The following RALY variants were observed in gnomAD, a reference collection of about 807,000 sequenced individuals.
RALY encodes RALY heterogeneous nuclear ribonucleoprotein, also known as RNA-binding protein Raly.
A neutral mutation model predicts 30.7 loss-of-function variants in RALY; 15 were observed. The ratio of observed to expected loss-of-function variants is 0.49; its 90% CI spans 0.33 to 0.75. The LOEUF (loss-of-function observed/expected upper bound fraction) is 0.75, where lower values mean the gene tolerates loss of function less well. Ranked by LOEUF, RALY falls within the 30% of genes least tolerant of loss-of-function variation. RALY has a pLI of 0.02. For missense variants in RALY, 339 were observed against 414.3 expected (o/e 0.82, Z 1.58); for synonymous variants, 177 against 170.8 (o/e 1.04, Z -0.28).
At chr20:34,017,069 A>G (rs908823268) in intron 1 of RALY, among the ~76,000 whole-genome samples, 1 of 15,956 alleles carries the variant, frequency 6.3e-5, no homozygotes, top group Non-Finnish European at 1.0e-4. Flanking sequence ...ACCCTGAACA[A>G]ACGGGGAAAT....
intron 2 of RALY, among the ~76,000 whole-genome samples, chr20:34,057,625 C>T (rs1227134805): frequency 1.4e-5 from 2 of 147,960 alleles, no homozygotes; most frequent in African/African-American, 4.9e-5. Flanking sequence ...CGAGATGGCG[C>T]CACTGCACTC....
chr20:34,070,254 G>A (rs1348040025), intron 2 of RALY, among the ~76,000 whole-genome samples: 1 of 152,182 alleles, frequency 6.6e-6, no homozygotes, highest in Non-Finnish European at 1.5e-5. Flanking sequence ...TGAGATAGGA[G>A]GGTTCCAAAA....
intron 2 of RALY, among the ~76,000 whole-genome samples, chr20:34,057,069 A>G (rs2123197994): frequency 6.6e-6 from 1 of 152,362 alleles, no homozygotes; most frequent in Admixed American, 6.5e-5. Flanking sequence ...GAGCTTTTAA[A>G]GCAGTAGTGT....
At chr20:33,995,163 C>A (rs1350103621) in intron 1 of RALY, among the ~76,000 whole-genome samples, 1 of 152,196 alleles carries the variant, frequency 6.6e-6, no homozygotes, top group Non-Finnish European at 1.5e-5. Flanking sequence ...TGGATGAAAT[C>A]CCATTCTGGG....
chr20:34,044,481 C>T (rs559429789), intron 2 of RALY, among the ~76,000 whole-genome samples: 3 of 151,482 alleles, frequency 2.0e-5, no homozygotes, highest in South Asian at 2.1e-4. Flanking sequence ...CCACCACACC[C>T]GGCTAATTTC....
chr20:34,015,586 CTTTTT>C (rs752571889), intron 1 of RALY, among the ~76,000 whole-genome samples: 1 of 145,258 alleles, frequency 6.9e-6, no homozygotes, highest in East Asian at 2.0e-4. Context: ...TTGGCATAGA[CTTTTT>C]TTTTTTTAAC....
At chr20:34,048,157 G>C (rs186265686) in intron 2 of RALY, among the ~76,000 whole-genome samples, 48 of 152,246 alleles carry the variant, frequency 3.2e-4, no homozygotes, top group Admixed American at 1.4e-3. Flanking sequence ...AATTCTAATT[G>C]ACACAGGAAG....
intron 1 of RALY, among the ~76,000 whole-genome samples, chr20:34,017,130 T>TA (rs1199405253): frequency 1.3e-5 from 2 of 152,286 alleles, no homozygotes; most frequent in Non-Finnish European, 2.9e-5. Flanking sequence ...TATAAACTCT[T>TA]ACCTAATGTG....
intron 9 of RALY, 86 bp downstream of exon 9, chr20:34,078,639 T>TCG: frequency 7.6e-7 from 1 of 1,307,466 alleles, no homozygotes; most frequent in Non-Finnish European, 1.0e-6. Context: ...GCAGGAAGTG[T>TCG]CACGAAGCAT....
chr20:34,030,760 T>C (rs762265377), intron 1 of RALY, among the ~76,000 whole-genome samples: 8 of 152,238 alleles, frequency 5.3e-5, no homozygotes, highest in Non-Finnish European at 1.0e-4. Context: ...ATTCTCCTTA[T>C]GACTCCACTC....
At chr20:34,051,020 C>G (rs965379271) in intron 2 of RALY, among the ~76,000 whole-genome samples, 1 of 152,130 alleles carries the variant, frequency 6.6e-6, no homozygotes, top group Non-Finnish European at 1.5e-5. Flanking sequence ...TTAAGGAGCA[C>G]TATTTGGGAA....
At chr20:34,075,850 C>T (rs1487241251) in intron 5 of RALY, 24 bp from the exon 6 acceptor site, 2 of 1,604,990 alleles carry the variant, frequency 1.2e-6, no homozygotes, top group Admixed American at 1.7e-5. Flanking sequence ...CATGCTGCAG[C>T]CTCTGGCCCA....
chr20:34,026,993 C>A (rs1047989309), intron 1 of RALY, among the ~76,000 whole-genome samples: 1 of 152,050 alleles, frequency 6.6e-6, no homozygotes, highest in Non-Finnish European at 1.5e-5. Flanking sequence ...GCAGGTAGTT[C>A]GTAAGACCCT....
At chr20:34,007,358 A>G (rs892935686) in intron 1 of RALY, among the ~76,000 whole-genome samples, 2 of 152,034 alleles carry the variant, frequency 1.3e-5, no homozygotes, top group African/African-American at 2.4e-5. Context: ...CGTCTCTACT[A>G]AAAATACAAA....
chr20:34,022,015 C>T (rs1226842537), intron 1 of RALY, among the ~76,000 whole-genome samples: 1 of 151,498 alleles, frequency 6.6e-6, no homozygotes, highest in Admixed American at 6.6e-5. Flanking sequence ...ACCTTGGCCT[C>T]CCAAAGTGCT....
intron 1 of RALY, among the ~76,000 whole-genome samples, chr20:34,024,167 A>G (rs974678262): frequency 1.3e-5 from 2 of 151,632 alleles, no homozygotes; most frequent in African/African-American, 4.8e-5. Context: ...AGCCCTTCCA[A>G]CTCTGGTCTC....
intron 1 of RALY, among the ~76,000 whole-genome samples, chr20:34,006,724 G>T (rs1005160565): frequency 1.3e-5 from 2 of 152,102 alleles, no homozygotes; most frequent in Middle Eastern, 3.2e-3. Flanking sequence ...GTAACATGCT[G>T]TATAGGTTTG....
At position 34,075,884 on chromosome 20, in the gene RALY, T is replaced by C; in HGVS notation, c.388T>C (p.Tyr130His). ...RDDFYDRLFD[Y>H]RGRLSPVPVP... The stretch of plus-strand genomic sequence containing the variant: ...CATCTGCCCTCACAGGCTCTTCGAC[T>C]ACCGGGGCCGTCTGTCGCCCGTGCC... The change falls in exon 6 of 10, where the codon TAC (tyrosine) becomes CAC (histidine). Residue 130 changes from tyrosine to histidine, a missense_variant. Tyr to His is a moderately conservative substitution (Grantham distance 83). Around this residue, in one of 2 missense-constraint regions of RALY, gnomAD observed 268 missense variants for 280.6 expected, o/e 0.95. Coordinates refer to ENST00000246194, the MANE Select transcript of RALY (RefSeq NM_016732.3). 2 of 1,613,264 alleles carry C rather than the reference T, an allele frequency of 1.2e-6. No homozygotes were observed. The highest frequency in any genetic ancestry group is 1.7e-6 in the Non-Finnish European group (2 of 1,179,442).
intron 1 of RALY, among the ~76,000 whole-genome samples, chr20:34,016,767 A>G (rs2031622412): frequency 6.6e-6 from 1 of 152,232 alleles, no homozygotes; most frequent in African/African-American, 2.4e-5. Flanking sequence ...ATCTTTTTCT[A>G]CCTCATAGTG....
Sources: gnomAD v4.1 joint callset for allele counts (sites outside exome capture counted in the v4.1 genomes callset) on GRCh38, gnomAD v4.1.1 for gene constraint, gnomAD v4.1.1 regional missense constraint, MANE v1.5 for transcripts, NCBI Gene and HGNC (gene_info 2026-07-23, HGNC 2026-07-21) for gene names.